The following ZNF600 variants were observed in gnomAD, a reference collection of about 807,000 sequenced individuals.
ZNF600 encodes the protein zinc finger protein 600.
Under a neutral mutation model 7.3 loss-of-function variants are expected in ZNF600, and 4 were observed. The ratio of observed to expected loss-of-function variants is 0.55; its 90% confidence interval spans 0.27 to 1.25. The LOEUF (loss-of-function observed/expected upper bound fraction) is 1.25, where lower values mean the gene tolerates loss of function less well. ZNF600 is among the 50% of genes most tolerant of loss of function. ZNF600 has a pLI of 0.12. For missense variants in ZNF600, 911 were observed against 922.1 expected, an observed-to-expected ratio of 0.99 and a Z score of 0.16; for synonymous variants, 290 against 308.9, an observed-to-expected ratio of 0.94 and a Z score of 0.64.
chr19:52,832,420 T>C, the ZNF600 span, among the ~76,000 whole-genome samples: 551 of 151,688 alleles, frequency 3.6e-3, 14 homozygotes, highest in Admixed American at 0.023. Context: ...TGGTGAAATC[T>C]CATCTCTACT....
At chr19:52,771,116 A>T (rs2062626925) in intron 3 of ZNF600, among the ~76,000 whole-genome samples, 1 of 151,946 alleles carries the variant, frequency 6.6e-6, no homozygotes, top group Non-Finnish European at 1.5e-5. Flanking sequence ...TACAGGTGTA[A>T]GCCACCACGA....
At chr19:52,821,069 G>A in the ZNF600 span, among the ~76,000 whole-genome samples, 2 of 152,260 alleles carry the variant, frequency 1.3e-5, no homozygotes, top group Middle Eastern at 3.4e-3. Context: ...CGGGCTCAGG[G>A]GAAGCGGTGA....
At chr19:52,771,574 A>C (rs1211540688) in intron 3 of ZNF600, among the ~76,000 whole-genome samples, 1 of 152,040 alleles carries the variant, frequency 6.6e-6, no homozygotes, top group Non-Finnish European at 1.5e-5. Flanking sequence ...CCCAGGTTCA[A>C]ATGATTCTCC....
chr19:52,832,353 T>C, the ZNF600 span, among the ~76,000 whole-genome samples: 19,468 of 152,076 alleles, frequency 0.13, 2,031 homozygotes, highest in African/African-American at 0.29. Context: ...CCCAGCACTT[T>C]GGGAGGCTAA....
At chr19:52,810,594 G>C in the ZNF600 span, 7 of 1,559,766 alleles carry the variant, frequency 4.5e-6, no homozygotes, top group East Asian at 4.5e-5. Context: ...TACCGCGCCC[G>C]ACCACCAACT....
the ZNF600 span, among the ~76,000 whole-genome samples, chr19:52,795,202 GCTCA>G: frequency 6.6e-6 from 1 of 152,052 alleles, no homozygotes; most frequent in African/African-American, 2.4e-5. Context: ...AAAGCTCACA[GCTCA>G]CTATTTAGTC....
At chr19:52,767,738 C>T (rs1443238428) in exon 4 of ZNF600, 7 of 1,588,300 alleles carry the variant, frequency 4.4e-6, no homozygotes, top group East Asian at 4.5e-5. Flanking sequence ...GCCCTGTTGA[C>T]AAGACCTCCT....
chr19:52,771,025 G>A (rs1366495109), intron 3 of ZNF600, among the ~76,000 whole-genome samples: 1 of 152,036 alleles, frequency 6.6e-6, no homozygotes, highest in Non-Finnish European at 1.5e-5. Flanking sequence ...TAGAGACATG[G>A]TTTCTCCATG....
At chr19:52,809,866 C>T in the ZNF600 span, 93 of 667,312 alleles carry the variant, frequency 1.4e-4, 1 homozygote, top group East Asian at 2.6e-3. Context: ...AGCACTGGGC[C>T]TGCGGGCGGT....
chr19:52,823,853 G>A, the ZNF600 span, among the ~76,000 whole-genome samples: 17 of 152,008 alleles, frequency 1.1e-4, no homozygotes, highest in Middle Eastern at 3.4e-3. Context: ...GCCTGAGGTC[G>A]GAAGTTGGAG....
chr19:52,829,183 T>TTTTTA, the ZNF600 span, among the ~76,000 whole-genome samples: 24,722 of 90,154 alleles, frequency 0.27, 2,607 homozygotes, highest in Admixed American at 0.4. Context: ...TTTTTTTCTT[T>TTTTTA]TTTTATTTTA....
At chr19:52,823,872 G>A in the ZNF600 span, among the ~76,000 whole-genome samples, 1 of 151,954 alleles carries the variant, frequency 6.6e-6, no homozygotes, top group Admixed American at 6.6e-5. Flanking sequence ...AGACCGGCCT[G>A]ACCAATATGG....
chr19:52,798,555 T>C, the ZNF600 span: 3,569 of 506,024 alleles, frequency 7.1e-3, 105 homozygotes, highest in African/African-American at 0.062. Context: ...CTGATGTCTA[T>C]TGAGGTGTGA....
At chr19:52,772,913 G>A (rs527363313) in intron 3 of ZNF600, among the ~76,000 whole-genome samples, 89 of 152,332 alleles carry the variant, frequency 5.8e-4, no homozygotes, top group Admixed American at 1.1e-3. Context: ...CAGTGGTTCT[G>A]AAGCCATCCC....
At chr19:52,772,257 G>T (rs116402849) in intron 3 of ZNF600, among the ~76,000 whole-genome samples, 6,042 of 152,138 alleles carry the variant, frequency 0.04, 375 homozygotes, top group African/African-American at 0.13. Context: ...GCGGTGAGCT[G>T]AGATTGAACC....
the ZNF600 span, chr19:52,800,555 A>G: frequency 6.2e-7 from 1 of 1,612,622 alleles, no homozygotes; most frequent in South Asian, 1.1e-5. Flanking sequence ...TGTGAATTAT[A>G]CTATGTTTTG....
intron 3 of ZNF600, among the ~76,000 whole-genome samples, chr19:52,773,600 A>G (rs1407078212): frequency 1.3e-5 from 2 of 152,172 alleles, no homozygotes; most frequent in African/African-American, 2.4e-5. Context: ...GGCTGAGTGC[A>G]GTGGCTCACG....
At chr19:52,799,327 A>C in the ZNF600 span, 1 of 479,982 alleles carries the variant, frequency 2.1e-6, no homozygotes, top group Non-Finnish European at 3.9e-6. Context: ...TTATATTCAA[A>C]AATCTTGTCA....
At chr19:52,774,371 G>A (rs112212099) in intron 3 of ZNF600, among the ~76,000 whole-genome samples, 6,327 of 151,590 alleles carry the variant, frequency 0.042, 294 homozygotes, top group African/African-American at 0.12. Context: ...AGAGGTTGCG[G>A]TGAGCCAAGA....
Sources: gnomAD v4.1 joint callset for allele counts (sites outside exome capture counted in the v4.1 genomes callset) on GRCh38, gnomAD v4.1.1 for gene constraint, MANE v1.5 for transcripts, NCBI Gene and HGNC (gene_info 2026-07-23, HGNC 2026-07-21) for gene names.